LRFN5: variants seen among roughly 807,000 people sequenced by gnomAD.
The protein encoded by LRFN5 is leucine-rich repeat and fibronectin type-III domain-containing protein 5.
A neutral mutation model predicts 45.6 loss-of-function variants in LRFN5; 24 were observed. That is an observed-to-expected ratio of 0.53 (90% CI 0.38 to 0.74). The LOEUF is 0.74. LRFN5 is among the 30% of genes least tolerant of loss of function. The pLI is 0.00. For missense variants in LRFN5, 776 were observed against 861.5 expected (o/e 0.90, Z 1.24); for synonymous variants, 340 against 313.8 (o/e 1.08, Z -0.88).
intron 2 of LRFN5, among the ~76,000 whole-genome samples, chr14:41,857,043 T>C (rs1041565465): frequency 6.6e-6 from 1 of 152,184 alleles, no homozygotes; most frequent in African/African-American, 2.4e-5. Context: ...AGTGTTGTTT[T>C]ATTTTCACAA....
intron 1 of LRFN5, among the ~76,000 whole-genome samples, chr14:41,656,347 G>T (rs1880380094): frequency 6.6e-6 from 1 of 151,926 alleles, no homozygotes. Context: ...CCACTTAAAG[G>T]CATGAAAGAA....
At chr14:41,844,909 GAA>G (rs1165643746) in intron 2 of LRFN5, among the ~76,000 whole-genome samples, 2 of 152,048 alleles carry the variant, frequency 1.3e-5, no homozygotes, top group African/African-American at 4.8e-5. Flanking sequence ...ATTTTAAGAA[GAA>G]ATGGATTTGA....
At chr14:41,625,027 T>TAA (rs1480545073) in intron 1 of LRFN5, among the ~76,000 whole-genome samples, 1 of 152,184 alleles carries the variant, frequency 6.6e-6, no homozygotes. Flanking sequence ...GATGTGCTTT[T>TAA]TACTACTATT....
intron 1 of LRFN5, among the ~76,000 whole-genome samples, chr14:41,624,896 G>T (rs1888270413): frequency 6.6e-6 from 1 of 151,232 alleles, no homozygotes; most frequent in Admixed American, 6.6e-5. Context: ...TGTCCCTCCT[G>T]CTTCTTAATT....
At chr14:41,683,055 T>C (rs558527621) in intron 1 of LRFN5, among the ~76,000 whole-genome samples, 6 of 152,284 alleles carry the variant, frequency 3.9e-5, no homozygotes, top group African/African-American at 1.4e-4. Flanking sequence ...TACTGAACAT[T>C]GATATGAAAA....
intron 1 of LRFN5, among the ~76,000 whole-genome samples, chr14:41,738,443 C>A (rs1041231505): frequency 6.6e-6 from 1 of 152,170 alleles, no homozygotes; most frequent in Non-Finnish European, 1.5e-5. Context: ...TGGGCAAAGA[C>A]TTCATGACTA....
Position 41,694,499 on chromosome 14 carries a change from G to A in LRFN5, c.-196-72355G>A, listed in dbSNP as rs996413547. Among the ~76,000 whole-genome samples, 4 of 151,802 alleles carry A rather than the reference G, an allele frequency of 2.6e-5. No individual in the cohort carries two copies. The East Asian group carries it at 7.8e-4, about 29-fold the overall frequency. On this transcript the variant is annotated intron_variant, in intron 1 of 5. Transcript: ENST00000298119. ...CATAGTGTTCTCTAGATTCATCCAT[G>A]GTATCCCAAATAACAATATTTTGTT...
chr14:41,879,182 T>C (rs1233720925), intron 2 of LRFN5, among the ~76,000 whole-genome samples: 2 of 152,098 alleles, frequency 1.3e-5, no homozygotes, highest in Admixed American at 1.3e-4. Context: ...ATAGGAAATA[T>C]AATTTAAGTT....
At chr14:41,671,608 T>C (rs1300876981) in intron 1 of LRFN5, among the ~76,000 whole-genome samples, 3 of 120,956 alleles carry the variant, frequency 2.5e-5, no homozygotes, top group Admixed American at 8.5e-5. Context: ...GGAGAGATTT[T>C]TTTTTTTCGT....
intron 2 of LRFN5, among the ~76,000 whole-genome samples, chr14:41,797,497 C>T (rs1221683325): frequency 6.6e-6 from 1 of 151,518 alleles, no homozygotes; most frequent in Non-Finnish European, 1.5e-5. Flanking sequence ...ATAATATTAC[C>T]TAATACCTTA....
At chr14:41,640,748 C>G (rs895145831) in intron 1 of LRFN5, among the ~76,000 whole-genome samples, 1 of 152,114 alleles carries the variant, frequency 6.6e-6, no homozygotes, top group Admixed American at 6.6e-5. Flanking sequence ...ACACACAAAA[C>G]TGTAACAAAC....
chr14:41,889,510 C>T (rs1007595861), intron 3 of LRFN5, among the ~76,000 whole-genome samples: 1 of 152,130 alleles, frequency 6.6e-6, no homozygotes, highest in South Asian at 2.1e-4. Flanking sequence ...CCCCACCCCA[C>T]ACTTTTTTGT....
At chr14:41,813,374 G>A (rs1887804089) in intron 2 of LRFN5, among the ~76,000 whole-genome samples, 1 of 151,960 alleles carries the variant, frequency 6.6e-6, no homozygotes, top group African/African-American at 2.4e-5. Context: ...GCCCTGGTGT[G>A]TGATGTTCCC....
At chr14:41,669,252 C>T (rs1881049045) in intron 1 of LRFN5, among the ~76,000 whole-genome samples, 1 of 151,388 alleles carries the variant, frequency 6.6e-6, no homozygotes, top group Non-Finnish European at 1.5e-5. Context: ...AACTGCAACT[C>T]CAAAACTGGA....
chr14:41,678,904 A>G (rs1057269519), intron 1 of LRFN5, among the ~76,000 whole-genome samples: 4 of 152,164 alleles, frequency 2.6e-5, no homozygotes, highest in African/African-American at 4.8e-5. Flanking sequence ...TCTTCTTGCA[A>G]CAGTCTCACG....
At chr14:41,700,004 C>A (rs1404780595) in intron 1 of LRFN5, 1 of 151,996 alleles carries the variant, frequency 6.6e-6, no homozygotes, top group Non-Finnish European at 1.5e-5. Flanking sequence ...ATTTACAACT[C>A]AGGAAAAAAT....
chr14:41,707,152 A>G (rs1883100489), intron 1 of LRFN5, among the ~76,000 whole-genome samples: 1 of 152,234 alleles, frequency 6.6e-6, no homozygotes, highest in African/African-American at 2.4e-5. Flanking sequence ...AGTGTTTTAC[A>G]TTGTTGGAAG....
At chr14:41,892,948 A>T (rs1228783966) in intron 4 of LRFN5, 5 of 985,240 alleles carry the variant, frequency 5.1e-6, no homozygotes, top group African/African-American at 1.7e-5. Context: ...CAAACATACA[A>T]GACTGCCTTT....
intron 1 of LRFN5, among the ~76,000 whole-genome samples, chr14:41,751,812 G>T (rs1263071324): frequency 6.6e-6 from 1 of 152,094 alleles, no homozygotes; most frequent in African/African-American, 2.4e-5. Context: ...TATACACAAT[G>T]TGCAGGTTTG....
Sources: allele counts gnomAD v4.1 joint callset (sites outside exome capture counted in the v4.1 genomes callset), GRCh38; gene constraint gnomAD v4.1.1; transcripts MANE v1.5; gene names NCBI Gene and HGNC (gene_info 2026-07-23, HGNC 2026-07-21).